The following ATP7A variants were observed in gnomAD, a reference collection of about 807,000 sequenced individuals.
The protein encoded by ATP7A is copper-transporting ATPase 1.
ATP7A carries 7 observed loss-of-function variants against 83.5 expected under a neutral mutation model. The observed-to-expected ratio is 0.08, with a 90% CI of 0.05 to 0.16. The LOEUF (loss-of-function observed/expected upper bound fraction) is 0.16. Among genes scored for constraint, ATP7A ranks in the 10% least tolerant of loss-of-function variants. The pLI, the probability that ATP7A is intolerant of heterozygous loss-of-function variation, is 1.00. For synonymous variants in ATP7A, 354 were observed against 395.2 expected, an observed-to-expected ratio of 0.90 and a Z score of 1.24; for missense variants, 940 against 1,120.8, an observed-to-expected ratio of 0.84 and a Z score of 2.30.
intron 4 of ATP7A, among the ~76,000 whole-genome samples, chrX:77,997,051 G>A (rs190497907): frequency 8.9e-6 from 1 of 112,288 alleles, no homozygotes; most frequent in African/African-American, 3.2e-5. Context: ...CCAGAGACAG[G>A]CTAATTAAGG....
chrX:78,027,362 C>T (rs2077952391), intron 14 of ATP7A, among the ~76,000 whole-genome samples: 1 of 111,585 alleles, frequency 9.0e-6, no homozygotes, highest in Non-Finnish European at 1.9e-5. Flanking sequence ...ACAATAATCA[C>T]ACACAAAACA....
chrX:78,007,656 C>A (rs1334089636), intron 6 of ATP7A, among the ~76,000 whole-genome samples: 1 of 112,244 alleles, frequency 8.9e-6, no homozygotes, highest in East Asian at 2.8e-4. Flanking sequence ...GATTGTTTGT[C>A]TTTTTATTAC....
chrX:78,029,696 C>T (rs782182072), intron 15 of ATP7A, among the ~76,000 whole-genome samples: 1 of 111,783 alleles, frequency 8.9e-6, no homozygotes, highest in Non-Finnish European at 1.9e-5. Context: ...AACCTGGACT[C>T]CTATCCTAGC....
rs1380361939 is a variant in ATP7A, at chrX:77,947,659, A to G, written c.-21-23962A>G. Among the ~76,000 whole-genome samples the G allele has an allele frequency of 3.2e-4, 35 of 108,844 alleles. No individual in the cohort carries two copies. The Admixed American group carries it at 3.5e-3, about 11-fold the overall frequency. 94.5% of individuals were successfully genotyped at this position (108,844 alleles called of 115,157 possible). A position where few individuals can be genotyped will look rare whatever the true frequency, so the allele number is the denominator to read the frequency against. On this transcript the variant is annotated intron_variant, in intron 1 of 22. Coordinates refer to ENST00000341514, the MANE Select transcript of ATP7A (RefSeq NM_000052.7). ...CGCCATGTTGGCCAGGCTGGTCTCG[A>G]ACTCCTGACCTCGTGATCTGTCCGC...
intron 1 of ATP7A, among the ~76,000 whole-genome samples, chrX:77,945,135 G>A (rs1184750071): frequency 9.0e-6 from 1 of 110,845 alleles, no homozygotes; most frequent in African/African-American, 3.3e-5. Flanking sequence ...GGGACTACAG[G>A]CATAAGCCAC....
Position 78,043,377 on chromosome X carries a change from C to T in ATP7A, c.4066C>T (p.Arg1356Trp), listed in dbSNP as rs370736173. ...DLSRKTVKRI[R>W]INFVFALIYN... ...ATCAAGAAAGACAGTCAAGAGGATTCGGATAAATTTTGTCTTTGCTCTAAT... is the reference window on the plus strand; with the variant it reads ...ATCAAGAAAGACAGTCAAGAGGATTTGGATAAATTTTGTCTTTGCTCTAAT... The change falls in exon 21 of 23, where the codon CGG (arginine) becomes TGG (tryptophan). Residue 1356 changes from arginine to tryptophan, a missense_variant. Arg to Trp is a moderately radical substitution (Grantham distance 101). Around this residue, in one of 3 missense-constraint regions of ATP7A, gnomAD observed 386 missense variants for 502.2 expected, o/e 0.77. Coordinates refer to ENST00000341514, the MANE Select transcript of ATP7A (RefSeq NM_000052.7). 2.9e-4 allele frequency: 347 copies of T among 1,208,082 alleles called. 4 individuals carry two copies. The South Asian group carries it at 5.5e-3, about 19-fold the overall frequency.
chrX:77,913,287 AT>A (rs1361250201), intron 1 of ATP7A, among the ~76,000 whole-genome samples: 1 of 111,470 alleles, frequency 9.0e-6, no homozygotes, highest in Admixed American at 9.6e-5. Flanking sequence ...TGAGAATAGT[AT>A]TTGGGAGTTT....
intron 1 of ATP7A, among the ~76,000 whole-genome samples, chrX:77,939,846 T>C (rs1320763837): frequency 9.1e-6 from 1 of 109,648 alleles, no homozygotes; most frequent in Admixed American, 9.6e-5. Context: ...TATCTTCTTA[T>C]TAAGTTTATT....
intron 5 of ATP7A, 87 bp from the exon 6 acceptor site, chrX:78,002,986 A>C (rs1372679146): frequency 2.1e-6 from 2 of 950,262 alleles, no homozygotes; most frequent in Admixed American, 4.6e-5. Flanking sequence ...AAATCCTTTC[A>C]TACTTGATAA....
At chrX:77,967,946 T>C (rs1250026034) in intron 1 of ATP7A, among the ~76,000 whole-genome samples, 1 of 111,442 alleles carries the variant, frequency 9.0e-6, no homozygotes, top group Non-Finnish European at 1.9e-5. Flanking sequence ...GATGTTGTAA[T>C]ACTTTTTTTT....
intron 4 of ATP7A, among the ~76,000 whole-genome samples, chrX:77,995,716 T>C (rs2149086329): frequency 9.0e-6 from 1 of 111,360 alleles, no homozygotes; most frequent in Admixed American, 9.5e-5. Context: ...CTTGATTAAA[T>C]TCCTTCCATT....
At chrX:78,017,173 G>A (rs782207105) in intron 12 of ATP7A, among the ~76,000 whole-genome samples, 26 of 112,490 alleles carry the variant, frequency 2.3e-4, no homozygotes, top group Middle Eastern at 4.6e-3. Context: ...CCAACACCAC[G>A]TGGAAGCTGC....
Position 78,038,951 on chromosome X carries a change from A to G in ATP7A, c.3627A>G (p.Lys1209=). 2 of 1,211,340 alleles carry G rather than the reference A, an allele frequency of 1.7e-6. No homozygotes were observed. Among genetic ancestry groups the G allele is most frequent in the South Asian group, 1.8e-5 (1 of 56,993 alleles). The change falls in exon 18 of 23, where the codon AAA becomes AAG. Residue 1209 remains lysine, a synonymous_variant. Coordinates refer to ENST00000341514, the MANE Select transcript of ATP7A (RefSeq NM_000052.7). ...VNDFMTEHER[K]GRTAVLVAVD... ...ATTTCATGACTGAACATGAGAGAAA[A>G]GGTCGGACTGCTGTATTAGTAGCAG... is the stretch of plus-strand genomic sequence containing the variant.
intron 5 of ATP7A, among the ~76,000 whole-genome samples, chrX:78,000,758 G>A (rs1410318596): frequency 9.1e-6 from 1 of 109,837 alleles, no homozygotes; most frequent in Non-Finnish European, 1.9e-5. Flanking sequence ...TCTACCTCCT[G>A]GGTTCAAGCG....
At position 77,937,303 on chromosome X, in the gene ATP7A, C is replaced by T. The variant is rs2077325157; in HGVS notation, c.-22+26468C>T. On this transcript the variant is annotated intron_variant, in intron 1 of 22. Transcript: ENST00000341514. ...CACTGTACACTTAAAGCGGAAATAC[C>T]AGTTGTTGGCAAGTGTGCAGAGCAA... 2.7e-5 allele frequency among the ~76,000 whole-genome samples: 3 copies of T among 112,168 alleles called. 1 individual carries two copies. In the South Asian group the frequency reaches 1.1e-3, roughly 41 times the overall value.
chrX:77,942,289 C>T (rs952339089), intron 1 of ATP7A, among the ~76,000 whole-genome samples: 1 of 112,054 alleles, frequency 8.9e-6, no homozygotes, highest in African/African-American at 3.2e-5. Context: ...ATGTAACTTA[C>T]CCATGTCTTG....
intron 7 of ATP7A, among the ~76,000 whole-genome samples, chrX:78,010,638 G>A (rs139239187): frequency 0.024 from 2,176 of 89,448 alleles, 69 homozygotes; most frequent in African/African-American, 0.088. Context: ...GGAGTGCAGT[G>A]GTGCGATCTC....
intron 21 of ATP7A, among the ~76,000 whole-genome samples, chrX:78,044,056 A>T (rs1233252677): frequency 9.4e-6 from 1 of 106,189 alleles, no homozygotes; most frequent in Non-Finnish European, 1.9e-5. Context: ...GGAGTTCAAG[A>T]CCAGCCTGAC....
At chrX:77,965,421 G>T in intron 1 of ATP7A, 1 of 324,670 alleles carries the variant, frequency 3.1e-6, no homozygotes, top group Non-Finnish European at 6.0e-6. Flanking sequence ...AAAGATGCTT[G>T]ACATCATCAG....
Sources: allele counts gnomAD v4.1 joint callset (sites outside exome capture counted in the v4.1 genomes callset), GRCh38; gene constraint gnomAD v4.1.1; regional missense constraint gnomAD v4.1.1; transcripts MANE v1.5; gene names NCBI Gene and HGNC (gene_info 2026-07-23, HGNC 2026-07-21).